RET: variants seen among roughly 807,000 people sequenced by gnomAD.
RET encodes proto-oncogene tyrosine-protein kinase receptor Ret.
A neutral mutation model predicts 118.3 loss-of-function variants in RET; 19 were observed. The ratio of observed to expected loss-of-function variants is 0.16; its 90% CI spans 0.11 to 0.24. The LOEUF is 0.24. Ranked by LOEUF, RET falls within the 10% of genes least tolerant of loss-of-function variation. The pLI is 1.00. For missense variants in RET, 1,219 were observed against 1,502.1 expected, an observed-to-expected ratio of 0.81 and a Z score of 3.12; for synonymous variants, 597 against 644.1, an observed-to-expected ratio of 0.93 and a Z score of 1.11.
intron 6 of RET, 38 bp from the exon 7 acceptor site, chr10:43,111,169 C>G: frequency 6.2e-7 from 1 of 1,611,650 alleles, no homozygotes; most frequent in Non-Finnish European, 8.5e-7. Context: ...CAGGCCGGTC[C>G]AGCTGCCTGG....
intron 1 of RET, among the ~76,000 whole-genome samples, chr10:43,078,844 C>G (rs868616266): frequency 4.6e-5 from 7 of 152,218 alleles, no homozygotes; most frequent in African/African-American, 9.7e-5. Context: ...GACAGCTTCC[C>G]GAATCCAGAG....
At position 43,120,213 on chromosome 10, in the gene RET, C is replaced by T; in HGVS notation, c.2730+10C>T. On this transcript the variant is annotated intron_variant, in intron 15 of 19. Coordinates refer to ENST00000355710, the MANE Select transcript of RET (RefSeq NM_020975.6). ...CGTGAAGAGGAGCCAGGTGCCCAGT[C>T]CCGGGGATGAGGCGGGGCTCCCAGG... The T allele has an allele frequency of 6.2e-7, 1 of 1,612,208 alleles. No homozygotes were observed. The highest frequency in any genetic ancestry group is 8.5e-7 in the Non-Finnish European group (1 of 1,179,878).
intron 16 of RET, among the ~76,000 whole-genome samples, chr10:43,122,930 T>A (rs1358874135): frequency 1.3e-5 from 2 of 152,154 alleles, no homozygotes; most frequent in Admixed American, 1.3e-4. Context: ...TCTTAAATAC[T>A]GTGGGCTGTG....
intron 8 of RET, among the ~76,000 whole-genome samples, chr10:43,112,607 A>G (rs1413657443): frequency 2.0e-5 from 3 of 152,196 alleles, no homozygotes; most frequent in Non-Finnish European, 1.5e-5. Flanking sequence ...GGCCCTCACC[A>G]TGCAGCCCTG....
At chr10:43,118,592 G>T in intron 13 of RET, 112 bp downstream of exon 13, 1 of 838,894 alleles carries the variant, frequency 1.2e-6, no homozygotes, top group Non-Finnish European at 2.0e-6. Flanking sequence ...CCTGTTTCCT[G>T]TTCTCCCTCT....
intron 3 of RET, 96 bp from the exon 4 acceptor site, chr10:43,104,856 C>T (rs1183520612): frequency 2.0e-6 from 3 of 1,499,972 alleles, no homozygotes; most frequent in Non-Finnish European, 2.7e-6. Flanking sequence ...CGGCGGTGTG[C>T]GCCCCGCTCT....
At chr10:43,101,939 C>G (rs983262436) in intron 2 of RET, among the ~76,000 whole-genome samples, 1 of 152,186 alleles carries the variant, frequency 6.6e-6, no homozygotes, top group Admixed American at 6.5e-5. Flanking sequence ...TGGAACTTGC[C>G]GGAAATGCCC....
At chr10:43,103,261 A>C (rs1249924724) in intron 3 of RET, among the ~76,000 whole-genome samples, 1 of 152,162 alleles carries the variant, frequency 6.6e-6, no homozygotes, top group Non-Finnish European at 1.5e-5. Context: ...GACCTGACTT[A>C]GTTTTAAAAG....
At chr10:43,119,476 G>A (rs2132940828) in intron 13 of RET, 55 bp from the exon 14 acceptor site, 1 of 1,505,090 alleles carries the variant, frequency 6.6e-7, no homozygotes. Context: ...CCTGGCTCCT[G>A]GAAGACCCAA....
Position 43,119,329 on chromosome 10 carries a change from G to T in RET, c.2393-202G>T, listed in dbSNP as rs192317831. On this transcript the variant is annotated intron_variant, in intron 13 of 19. Transcript: ENST00000355710. ...CCACACGAGCAGCAGGAGGCAGAGAGCAAGTGGTTCAAGAGAAAGCTGAGG... is the reference window on the plus strand; with the variant it reads ...CCACACGAGCAGCAGGAGGCAGAGATCAAGTGGTTCAAGAGAAAGCTGAGG... 7.9e-5 allele frequency among the ~76,000 whole-genome samples: 12 copies of T among 152,322 alleles called. No individual in the cohort carries two copies. In the East Asian group the frequency reaches 1.4e-3, roughly 17 times the overall value.
intron 1 of RET, among the ~76,000 whole-genome samples, chr10:43,079,511 C>T (rs1837130945): frequency 6.6e-6 from 1 of 152,226 alleles, no homozygotes; most frequent in Admixed American, 6.5e-5. Context: ...ATACAGCTGT[C>T]CCCGTTGCTT....
At chr10:43,083,519 T>G (rs1006136857) in intron 1 of RET, among the ~76,000 whole-genome samples, 1 of 152,218 alleles carries the variant, frequency 6.6e-6, no homozygotes, top group Non-Finnish European at 1.5e-5. Context: ...AGCCTGAGGC[T>G]TAAGGAGCTT....
chr10:43,126,000 G>A (rs991266491), intron 18 of RET, among the ~76,000 whole-genome samples: 5 of 152,218 alleles, frequency 3.3e-5, no homozygotes, highest in South Asian at 2.1e-4. Context: ...AGACGCCAGT[G>A]GCCCCTCGTG....
At chr10:43,084,402 G>A (rs1232421723) in intron 1 of RET, among the ~76,000 whole-genome samples, 6 of 152,186 alleles carry the variant, frequency 3.9e-5, no homozygotes, top group South Asian at 4.1e-4. Context: ...CACTCTGGCC[G>A]TGCAGCCAGT....
chr10:43,121,251 G>A (rs1002384899), intron 15 of RET, among the ~76,000 whole-genome samples: 4 of 152,216 alleles, frequency 2.6e-5, no homozygotes, highest in African/African-American at 4.8e-5. Context: ...CTGCACTAAG[G>A]ACATAAATCC....
At chr10:43,123,503 A>G (rs1386161952) in intron 16 of RET, among the ~76,000 whole-genome samples, 168 bp from the exon 17 acceptor site, 1 of 152,080 alleles carries the variant, frequency 6.6e-6, no homozygotes, top group African/African-American at 2.4e-5. Flanking sequence ...CCCCACCTTC[A>G]TGCTACATCC....
chr10:43,121,876 C>G, intron 15 of RET, 70 bp from the exon 16 acceptor site: 1 of 1,177,996 alleles, frequency 8.5e-7, no homozygotes, highest in South Asian at 1.2e-5. Flanking sequence ...TAGGGCCTGG[C>G]CTTCTCCTTT....
At chr10:43,112,640 G>A (rs1314261753) in intron 8 of RET, among the ~76,000 whole-genome samples, 2 of 152,214 alleles carry the variant, frequency 1.3e-5, no homozygotes, top group South Asian at 2.1e-4. Flanking sequence ...CCTCTTTGCT[G>A]TAAGGGCCAC....
intron 6 of RET, among the ~76,000 whole-genome samples, chr10:43,110,777 G>A (rs1837898260): frequency 6.6e-6 from 1 of 152,202 alleles, no homozygotes; most frequent in African/African-American, 2.4e-5. Context: ...CACTGAGGGA[G>A]GAGTGAGGGG....
Sources: gnomAD v4.1 joint callset for allele counts (sites outside exome capture counted in the v4.1 genomes callset) on GRCh38, gnomAD v4.1.1 for gene constraint, MANE v1.5 for transcripts, NCBI Gene and HGNC (gene_info 2026-07-23, HGNC 2026-07-21) for gene names.